TBC1D22A: variants seen among roughly 807,000 people sequenced by gnomAD.
TBC1D22A encodes the protein TBC1 domain family member 22A, also known as putative GTPase activator.
Under a neutral mutation model 60.2 loss-of-function variants are expected in TBC1D22A, and 38 were observed. The observed-to-expected ratio is 0.63, with a 90% CI of 0.49 to 0.83. The LOEUF (loss-of-function observed/expected upper bound fraction) is 0.83, where lower values mean the gene tolerates loss of function less well. Among genes scored for constraint, TBC1D22A ranks in the 40% least tolerant of loss-of-function variants. The pLI is 0.00. For missense variants in TBC1D22A, 628 were observed against 701.0 expected (o/e 0.90, Z 1.18); for synonymous variants, 302 against 281.7 (o/e 1.07, Z -0.72).
chr22:47,077,518 G>A (rs2064273155), intron 11 of TBC1D22A, among the ~76,000 whole-genome samples: 1 of 152,190 alleles, frequency 6.6e-6, no homozygotes, highest in African/African-American at 2.4e-5. Context: ...GGTTCTGCTG[G>A]GGGGTCTGAA....
At chr22:47,159,577 C>A (rs1163563528) in intron 12 of TBC1D22A, among the ~76,000 whole-genome samples, 4 of 146,238 alleles carry the variant, frequency 2.7e-5, no homozygotes, top group Non-Finnish European at 4.5e-5. Context: ...ACACACACAC[C>A]ACAGTTATGT....
intron 1 of TBC1D22A, among the ~76,000 whole-genome samples, chr22:46,775,765 T>C (rs2083677978): frequency 1.3e-5 from 2 of 152,248 alleles, no homozygotes; most frequent in African/African-American, 4.8e-5. Context: ...AGGCCACCTT[T>C]ACAGCAGCTC....
At chr22:46,805,787 C>T (rs180820050) in intron 4 of TBC1D22A, among the ~76,000 whole-genome samples, 1 of 151,824 alleles carries the variant, frequency 6.6e-6, no homozygotes, top group East Asian at 1.9e-4. Flanking sequence ...CTCTCACCGC[C>T]CCCCCACACC....
intron 11 of TBC1D22A, among the ~76,000 whole-genome samples, chr22:47,095,898 G>A (rs2065152726): frequency 6.6e-6 from 1 of 152,252 alleles, no homozygotes; most frequent in African/African-American, 2.4e-5. Context: ...CCAGGGCTGG[G>A]CTGGAGGCTG....
At chr22:46,875,261 A>G (rs187145352) in intron 4 of TBC1D22A, among the ~76,000 whole-genome samples, 90 of 152,330 alleles carry the variant, frequency 5.9e-4, no homozygotes, top group Admixed American at 1.8e-3. Flanking sequence ...GACTCTTACA[A>G]ACACATTCTG....
intron 7 of TBC1D22A, among the ~76,000 whole-genome samples, chr22:46,903,854 G>A (rs540419239): frequency 6.6e-5 from 10 of 152,174 alleles, no homozygotes; most frequent in Non-Finnish European, 1.3e-4. Context: ...CTGAGGGGTG[G>A]TAGGAACTCC....
At chr22:46,766,259 C>T (rs1187797582) in intron 1 of TBC1D22A, among the ~76,000 whole-genome samples, 1 of 151,992 alleles carries the variant, frequency 6.6e-6, no homozygotes, top group Non-Finnish European at 1.5e-5. Context: ...GGTCTCCCAA[C>T]GTGCTGGGAT....
intron 11 of TBC1D22A, among the ~76,000 whole-genome samples, chr22:47,107,950 T>G (rs1352497748): frequency 6.6e-6 from 1 of 152,108 alleles, no homozygotes; most frequent in African/African-American, 2.4e-5. Context: ...TGCCCTTGAG[T>G]TAGGCAATGA....
At chr22:47,078,257 T>C (rs1043452665) in intron 11 of TBC1D22A, among the ~76,000 whole-genome samples, 7 of 152,198 alleles carry the variant, frequency 4.6e-5, no homozygotes, top group Non-Finnish European at 8.8e-5. Flanking sequence ...TGAGCTCACT[T>C]CTCTTCCCTC....
chr22:47,158,319 G>C (rs1251994603), intron 12 of TBC1D22A, among the ~76,000 whole-genome samples: 1 of 152,222 alleles, frequency 6.6e-6, no homozygotes, highest in Non-Finnish European at 1.5e-5. Flanking sequence ...GAAAGTCCCA[G>C]GTAGAGGAGT....
intron 1 of TBC1D22A, among the ~76,000 whole-genome samples, chr22:46,782,264 A>G (rs976633410): frequency 3.3e-5 from 5 of 152,228 alleles, no homozygotes; most frequent in Non-Finnish European, 7.3e-5. Flanking sequence ...CATGTTGGCC[A>G]GGATGGTCTC....
At chr22:46,940,569 C>A (rs192393935) in intron 8 of TBC1D22A, among the ~76,000 whole-genome samples, 1 of 139,044 alleles carries the variant, frequency 7.2e-6, no homozygotes. Context: ...TATACACACA[C>A]ACACACATGC....
At chr22:46,871,814 AAC>A (rs1487024998) in intron 4 of TBC1D22A, among the ~76,000 whole-genome samples, 1 of 152,238 alleles carries the variant, frequency 6.6e-6, no homozygotes, top group Non-Finnish European at 1.5e-5. Flanking sequence ...AAAGAAGAGA[AAC>A]AATTTAAGGG....
intron 4 of TBC1D22A, among the ~76,000 whole-genome samples, chr22:46,849,091 A>G (rs928784467): frequency 8.5e-5 from 13 of 152,184 alleles, no homozygotes; most frequent in Non-Finnish European, 1.0e-4. Flanking sequence ...TGGAGTGGCT[A>G]TCTCACAATT....
chr22:46,890,697 C>T (rs1307306984), intron 5 of TBC1D22A, among the ~76,000 whole-genome samples: 1 of 152,176 alleles, frequency 6.6e-6, no homozygotes, highest in African/African-American at 2.4e-5. Flanking sequence ...GCTGCCTGGC[C>T]CTTTCTGACT....
intron 8 of TBC1D22A, among the ~76,000 whole-genome samples, chr22:46,912,446 T>C (rs891014974): frequency 4.6e-5 from 7 of 152,206 alleles, no homozygotes; most frequent in Non-Finnish European, 1.0e-4. Flanking sequence ...AGATAATATA[T>C]TTGGGGAGTG....
At chr22:46,984,845 G>T (rs2074660896) in intron 9 of TBC1D22A, among the ~76,000 whole-genome samples, 1 of 152,214 alleles carries the variant, frequency 6.6e-6, no homozygotes, top group Admixed American at 6.5e-5. Flanking sequence ...AGTGGACTCT[G>T]CCTGTGAGCA....
At chr22:46,878,858 A>G (rs1377115731) in intron 5 of TBC1D22A, 135 bp downstream of exon 5, 9 of 657,228 alleles carry the variant, frequency 1.4e-5, no homozygotes, top group Non-Finnish European at 2.1e-5. Flanking sequence ...GGCCTTTGCT[A>G]TGGCTAAGCT....
At chr22:46,861,067 C>G (rs1569142901) in intron 4 of TBC1D22A, among the ~76,000 whole-genome samples, 1 of 152,100 alleles carries the variant, frequency 6.6e-6, no homozygotes, top group East Asian at 1.9e-4. Flanking sequence ...AAGCCATTCT[C>G]CTATCTCAGC....
Sources: gnomAD v4.1 joint callset for allele counts (sites outside exome capture counted in the v4.1 genomes callset) on GRCh38, gnomAD v4.1.1 for gene constraint, MANE v1.5 for transcripts, NCBI Gene and HGNC (gene_info 2026-07-23, HGNC 2026-07-21) for gene names.